The following ENOX1 variants were observed in gnomAD, a reference collection of about 807,000 sequenced individuals.
The protein encoded by ENOX1 is ecto-NOX disulfide-thiol exchanger 1.
In ENOX1, 42 loss-of-function variants were observed where a neutral mutation model predicts 82.5. That is an observed-to-expected ratio of 0.51 (90% CI 0.40 to 0.66). ENOX1 has a LOEUF of 0.66. ENOX1 is among the 30% of genes least tolerant of loss of function. ENOX1 has a pLI of 0.00. For missense variants in ENOX1, 608 were observed against 811.6 expected, an observed-to-expected ratio of 0.75 and a Z score of 3.05; for synonymous variants, 271 against 282.2, an observed-to-expected ratio of 0.96 and a Z score of 0.40.
chr13:43,685,897 C>G (rs2086048653), intron 1 of ENOX1, among the ~76,000 whole-genome samples: 1 of 151,710 alleles, frequency 6.6e-6, no homozygotes, highest in Admixed American at 6.6e-5. Context: ...CACACACACA[C>G]ACACACACAC....
At chr13:43,415,573 T>C (rs888238472) in intron 3 of ENOX1, among the ~76,000 whole-genome samples, 1 of 152,338 alleles carries the variant, frequency 6.6e-6, no homozygotes, top group East Asian at 1.9e-4. Context: ...GGTAAGGTTA[T>C]AGATTAACAG....
intron 12 of ENOX1, among the ~76,000 whole-genome samples, chr13:43,278,617 A>C (rs1461356144): frequency 6.6e-6 from 1 of 152,234 alleles, no homozygotes; most frequent in East Asian, 1.9e-4. Flanking sequence ...GCTTGCTTTA[A>C]AACTAAAAGA....
intron 11 of ENOX1, among the ~76,000 whole-genome samples, chr13:43,307,917 G>C (rs7319871): frequency 0.95 from 145,016 of 152,208 alleles, 69,509 homozygotes; most frequent in East Asian, 1. Flanking sequence ...CCGGGCCCCG[G>C]GAACAGCCTT....
chr13:43,452,886 C>T (rs1353708127), intron 3 of ENOX1, among the ~76,000 whole-genome samples: 1 of 152,088 alleles, frequency 6.6e-6, no homozygotes, highest in Non-Finnish European at 1.5e-5. Flanking sequence ...TATTGCTGGG[C>T]TTTTGTTATT....
At chr13:43,266,053 A>G (rs920900747) in intron 13 of ENOX1, among the ~76,000 whole-genome samples, 7 of 152,218 alleles carry the variant, frequency 4.6e-5, no homozygotes, top group Non-Finnish European at 1.0e-4. Context: ...TTTAGCAGTG[A>G]ACATTTGAAA....
intron 1 of ENOX1, among the ~76,000 whole-genome samples, chr13:43,719,302 T>TACAC (rs3024232): frequency 0.2 from 25,684 of 126,474 alleles, 2,945 homozygotes; most frequent in Non-Finnish European, 0.26. Flanking sequence ...TTCATTCAAA[T>TACAC]ACACACACAC....
chr13:43,374,258 T>G (rs537569646), intron 5 of ENOX1, among the ~76,000 whole-genome samples: 1 of 151,450 alleles, frequency 6.6e-6, no homozygotes, highest in East Asian at 1.9e-4. Flanking sequence ...TCTTTTTTTT[T>G]TTTTGGAAAC....
At chr13:43,467,508 T>C (rs2057783982) in intron 3 of ENOX1, among the ~76,000 whole-genome samples, 1 of 126,546 alleles carries the variant, frequency 7.9e-6, no homozygotes. Flanking sequence ...CAAATGTTAT[T>C]TTAAAATTTT....
intron 1 of ENOX1, among the ~76,000 whole-genome samples, chr13:43,741,771 C>A (rs1348221358): frequency 6.6e-6 from 1 of 152,124 alleles, no homozygotes; most frequent in Non-Finnish European, 1.5e-5. Flanking sequence ...TTTTTTGTTG[C>A]TGTTGCTCGT....
chr13:43,521,648 A>G (rs1165859497), intron 2 of ENOX1, among the ~76,000 whole-genome samples: 1 of 152,134 alleles, frequency 6.6e-6, no homozygotes, highest in Non-Finnish European at 1.5e-5. Flanking sequence ...TTTGCCCTGG[A>G]AGGTCCTTGC....
At chr13:43,729,234 G>A (rs1192824241) in intron 1 of ENOX1, among the ~76,000 whole-genome samples, 1 of 152,110 alleles carries the variant, frequency 6.6e-6, no homozygotes, top group Non-Finnish European at 1.5e-5. Context: ...TCAAGATAAT[G>A]TATAAGAGCT....
intron 14 of ENOX1, among the ~76,000 whole-genome samples, chr13:43,237,529 T>A (rs978072532): frequency 2.6e-5 from 4 of 152,204 alleles, no homozygotes; most frequent in African/African-American, 9.7e-5. Flanking sequence ...TGGAGGAAAG[T>A]TGCTCACTGA....
At chr13:43,584,017 A>G (rs538366324) in intron 2 of ENOX1, among the ~76,000 whole-genome samples, 1 of 152,342 alleles carries the variant, frequency 6.6e-6, no homozygotes, top group East Asian at 1.9e-4. Flanking sequence ...ATGAAGAGTT[A>G]GAATCTGAAA....
chr13:43,241,582 G>C (rs1015334988), intron 14 of ENOX1, among the ~76,000 whole-genome samples: 3 of 152,202 alleles, frequency 2.0e-5, no homozygotes, highest in African/African-American at 7.2e-5. Context: ...CACCAGACTA[G>C]AAAATGCACT....
At chr13:43,504,387 T>TAATG (rs1356648424) in intron 2 of ENOX1, among the ~76,000 whole-genome samples, 1 of 151,820 alleles carries the variant, frequency 6.6e-6, no homozygotes, top group Non-Finnish European at 1.5e-5. Context: ...ACTGAAGCAT[T>TAATG]ATTCACAATA....
At chr13:43,701,995 C>T (rs2086932575) in intron 1 of ENOX1, among the ~76,000 whole-genome samples, 1 of 152,202 alleles carries the variant, frequency 6.6e-6, no homozygotes, top group Non-Finnish European at 1.5e-5. Context: ...CCTTATGCTA[C>T]TCCCTCCATC....
At chr13:43,418,087 T>C (rs1022120180) in intron 3 of ENOX1, among the ~76,000 whole-genome samples, 1 of 152,148 alleles carries the variant, frequency 6.6e-6, no homozygotes, top group African/African-American at 2.4e-5. Flanking sequence ...CGCATGCCTG[T>C]AGTCCCAGCT....
chr13:43,576,786 T>C (rs1222799839), intron 2 of ENOX1, among the ~76,000 whole-genome samples: 1 of 152,242 alleles, frequency 6.6e-6, no homozygotes, highest in South Asian at 2.1e-4. Flanking sequence ...AGTATTTCTA[T>C]GGAACAGCAC....
intron 2 of ENOX1, among the ~76,000 whole-genome samples, chr13:43,574,266 G>A (rs1417138830): frequency 1.3e-5 from 2 of 152,078 alleles, no homozygotes; most frequent in African/African-American, 4.8e-5. Context: ...AAAAACAAGA[G>A]GCCACGCGAA....
Sources: allele counts gnomAD v4.1 joint callset (sites outside exome capture counted in the v4.1 genomes callset), GRCh38; gene constraint gnomAD v4.1.1; transcripts MANE v1.5; gene names NCBI Gene and HGNC (gene_info 2026-07-23, HGNC 2026-07-21).